Variants in TRPC4 observed in about 807,000 individuals in gnomAD.
TRPC4 encodes the protein transient receptor potential cation channel subfamily C member 4.
A neutral mutation model predicts 99.4 loss-of-function variants in TRPC4; 49 were observed. That is an observed-to-expected ratio of 0.49 (90% CI 0.39 to 0.63). TRPC4 has a LOEUF of 0.63. Ranked by LOEUF, TRPC4 falls within the 20% of genes least tolerant of loss-of-function variation. TRPC4 has a pLI of 0.00. For synonymous variants in TRPC4, 454 were observed against 425.9 expected (o/e 1.07, Z -0.81); for missense variants, 898 against 1,152.9 (o/e 0.78, Z 3.20).
chr13:37,850,944 A>G (rs982400866), intron 1 of TRPC4, among the ~76,000 whole-genome samples: 3 of 152,214 alleles, frequency 2.0e-5, no homozygotes, highest in Non-Finnish European at 4.4e-5. Context: ...GTGCCACACC[A>G]AGGCATTTGT....
chr13:37,834,536 T>C (rs559948797), intron 1 of TRPC4, among the ~76,000 whole-genome samples: 3 of 152,182 alleles, frequency 2.0e-5, no homozygotes, highest in Non-Finnish European at 2.9e-5. Context: ...AAAGATTACT[T>C]TCCTCATAAA....
intron 2 of TRPC4, among the ~76,000 whole-genome samples, chr13:37,766,196 A>G (rs1186158750): frequency 6.6e-6 from 1 of 151,494 alleles, no homozygotes; most frequent in East Asian, 1.9e-4. Flanking sequence ...TGAGACTCCT[A>G]GAATTGTTGA....
At chr13:37,698,767 G>T (rs745724252) in intron 3 of TRPC4, among the ~76,000 whole-genome samples, 3 of 152,158 alleles carry the variant, frequency 2.0e-5, no homozygotes, top group Non-Finnish European at 2.9e-5. Flanking sequence ...GCAGGCAAAG[G>T]ATGCTAGCTG....
chr13:37,809,156 G>T (rs1044025627), intron 1 of TRPC4, among the ~76,000 whole-genome samples: 2 of 152,048 alleles, frequency 1.3e-5, no homozygotes, highest in Non-Finnish European at 2.9e-5. Context: ...AATCACACCA[G>T]CAGTGTGTAG....
intron 1 of TRPC4, among the ~76,000 whole-genome samples, chr13:37,822,603 T>A (rs1046263066): frequency 2.0e-5 from 3 of 151,708 alleles, no homozygotes; most frequent in Non-Finnish European, 2.9e-5. Context: ...CATGAACTCA[T>A]CATTTTTTAT....
intron 1 of TRPC4, among the ~76,000 whole-genome samples, chr13:37,853,585 A>T (rs1164117288): frequency 1.3e-5 from 2 of 152,194 alleles, no homozygotes; most frequent in Non-Finnish European, 2.9e-5. Context: ...TAAATAAGTC[A>T]CTGGGGACCA....
chr13:37,637,157 G>A lies in TRPC4; in HGVS notation c.2680C>T (p.Arg894Trp), dbSNP rs958351197. ...IQLESRGLAS[R>W]GDLSIPGLSE... ...AGACCGGGAATGCTCAGGTCACCCC[G>A]TGAAGCTAATCCTCGAGATTCCAGT... Residue 894 changes from arginine (R) to tryptophan (W), a missense_variant, in exon 11 of 11, where the codon CGG (arginine) becomes TGG (tryptophan). Coordinates refer to ENST00000379705, the MANE Select transcript of TRPC4 (RefSeq NM_016179.4). The A allele has an allele frequency of 6.2e-7, 1 of 1,613,764 alleles. No homozygotes were observed. Among genetic ancestry groups the A allele is most frequent in the Non-Finnish European group, 8.5e-7 (1 of 1,179,834 alleles).
chr13:37,717,172 T>G (rs1174794830), intron 3 of TRPC4, among the ~76,000 whole-genome samples: 1 of 152,172 alleles, frequency 6.6e-6, no homozygotes, highest in Non-Finnish European at 1.5e-5. Context: ...TTTTCAAAAA[T>G]TTAATGATAT....
chr13:37,648,030 C>A (rs1951903208), intron 8 of TRPC4, among the ~76,000 whole-genome samples: 1 of 152,128 alleles, frequency 6.6e-6, no homozygotes, highest in South Asian at 2.1e-4. Flanking sequence ...GCAACCTCTG[C>A]CTCCCGGGTT....
intron 1 of TRPC4, among the ~76,000 whole-genome samples, chr13:37,811,319 G>A (rs1342036717): frequency 1.3e-5 from 2 of 151,996 alleles, no homozygotes; most frequent in Non-Finnish European, 2.9e-5. Flanking sequence ...ACAACAAATA[G>A]GAAAATAAAT....
At chr13:37,828,845 G>T (rs557323211) in intron 1 of TRPC4, among the ~76,000 whole-genome samples, 9 of 152,266 alleles carry the variant, frequency 5.9e-5, no homozygotes, top group African/African-American at 2.2e-4. Flanking sequence ...GGTGTTTGGT[G>T]GGACTAGGGT....
intron 3 of TRPC4, among the ~76,000 whole-genome samples, chr13:37,695,735 T>C (rs1953882647): frequency 6.6e-6 from 1 of 152,252 alleles, no homozygotes; most frequent in South Asian, 2.1e-4. Context: ...GATCTCATTA[T>C]TATTTATAGA....
At chr13:37,647,654 G>T (rs1032429217) in intron 8 of TRPC4, among the ~76,000 whole-genome samples, 5 of 152,198 alleles carry the variant, frequency 3.3e-5, no homozygotes, top group Non-Finnish European at 7.3e-5. Flanking sequence ...TAAAAGAAAT[G>T]GTTGAGCTAA....
intron 1 of TRPC4, among the ~76,000 whole-genome samples, chr13:37,859,702 A>G (rs1959213244): frequency 1.3e-5 from 2 of 151,496 alleles, no homozygotes. Flanking sequence ...TAAAAAATTC[A>G]TAGTCAACAT....
At chr13:37,851,448 G>A (rs1959054862) in intron 1 of TRPC4, among the ~76,000 whole-genome samples, 1 of 152,068 alleles carries the variant, frequency 6.6e-6, no homozygotes, top group Non-Finnish European at 1.5e-5. Flanking sequence ...CAAGAATATT[G>A]AGAAATTAGA....
chr13:37,827,677 C>T (rs1220899463), intron 1 of TRPC4, among the ~76,000 whole-genome samples: 1 of 152,194 alleles, frequency 6.6e-6, no homozygotes, highest in Non-Finnish European at 1.5e-5. Flanking sequence ...CTCTTCAAAG[C>T]TGTCAGACAG....
chr13:37,838,898 C>A (rs1958650099), intron 1 of TRPC4, among the ~76,000 whole-genome samples: 1 of 152,058 alleles, frequency 6.6e-6, no homozygotes, highest in Non-Finnish European at 1.5e-5. Flanking sequence ...AAGAAAAGTT[C>A]CCCATTTACA....
chr13:37,831,891 G>A (rs1250614123), intron 1 of TRPC4, among the ~76,000 whole-genome samples: 1 of 152,136 alleles, frequency 6.6e-6, no homozygotes, highest in Non-Finnish European at 1.5e-5. Context: ...CAGGAGGGTG[G>A]AGTGGGGAAA....
chr13:37,755,342 T>G (rs184873543), intron 2 of TRPC4, among the ~76,000 whole-genome samples: 3 of 150,790 alleles, frequency 2.0e-5, no homozygotes, highest in Admixed American at 2.0e-4. Flanking sequence ...ACCAATCACC[T>G]CCTTCCTGGG....
Sources: gnomAD v4.1 joint callset for allele counts (sites outside exome capture counted in the v4.1 genomes callset) on GRCh38, gnomAD v4.1.1 for gene constraint, MANE v1.5 for transcripts, NCBI Gene and HGNC (gene_info 2026-07-23, HGNC 2026-07-21) for gene names.